NHERF1: variants seen among roughly 807,000 people sequenced by gnomAD.
NHERF1 encodes the protein Na(+)/H(+) exchange regulatory cofactor NHE-RF1.
the NHERF1 span, among the ~76,000 whole-genome samples, chr17:74,749,873 C>A: frequency 8.5e-5 from 13 of 152,340 alleles, no homozygotes; most frequent in South Asian, 2.7e-3. This position sits in a 1 kb window ranked among gnomAD's most constrained non-coding sequence, Gnocchi z 5.6. Context: ...TGTGTGACTT[C>A]TAAGGGAGAG....
At chr17:74,762,191 C>T in the NHERF1 span, 3 of 1,613,414 alleles carry the variant, frequency 1.9e-6, no homozygotes, top group Non-Finnish European at 1.7e-6. The surrounding 1 kb of genome is among the most constrained non-coding windows in gnomAD (Gnocchi z 4.2). Context: ...TTCTCGCTCT[C>T]TTCCTATCTG....
the NHERF1 span, among the ~76,000 whole-genome samples, chr17:74,763,912 G>A: frequency 2.6e-5 from 4 of 152,234 alleles, no homozygotes; most frequent in African/African-American, 9.6e-5. Context: ...CCTTTGCTTG[G>A]TCAGATCAGA....
chr17:74,768,295 A>G, the NHERF1 span: 2 of 1,429,690 alleles, frequency 1.4e-6, no homozygotes, highest in African/African-American at 1.4e-5. Flanking sequence ...CCCAGGCCCC[A>G]CTTGTTCCTG....
At chr17:74,764,596 C>T in the NHERF1 span, among the ~76,000 whole-genome samples, 1 of 152,216 alleles carries the variant, frequency 6.6e-6, no homozygotes, top group Non-Finnish European at 1.5e-5. The surrounding 1 kb of genome is among the most constrained non-coding windows in gnomAD (Gnocchi z 4.9). Context: ...CTGGATTCCA[C>T]TCAGCTCCTG....
chr17:74,748,868 G>T, the NHERF1 span: 1 of 1,595,276 alleles, frequency 6.3e-7, no homozygotes, highest in Non-Finnish European at 8.5e-7. The surrounding 1 kb of genome is among the most constrained non-coding windows in gnomAD (Gnocchi z 4.3). Flanking sequence ...CGCAGCGGCC[G>T]GGGCGCCCCT....
the NHERF1 span, among the ~76,000 whole-genome samples, chr17:74,763,965 G>A: frequency 1.3e-5 from 2 of 152,182 alleles, no homozygotes; most frequent in African/African-American, 2.4e-5. Context: ...CTCCTCTCAG[G>A]TTGTCTTGGA....
the NHERF1 span, among the ~76,000 whole-genome samples, chr17:74,756,364 C>T: frequency 3.4e-3 from 505 of 149,376 alleles, 2 homozygotes; most frequent in African/African-American, 0.012. Flanking sequence ...CTGCAACCTC[C>T]GCCTCCTGGG....
the NHERF1 span, chr17:74,763,090 G>A: frequency 1.1e-5 from 4 of 354,840 alleles, no homozygotes; most frequent in Non-Finnish European, 1.5e-5. Context: ...CTCCCAGCTC[G>A]CTCCCATCCC....
At chr17:74,753,391 C>T in the NHERF1 span, among the ~76,000 whole-genome samples, 174 of 152,234 alleles carry the variant, frequency 1.1e-3, no homozygotes, top group African/African-American at 4.0e-3. Flanking sequence ...GGCGGGCGGG[C>T]CATTTTACAC....
the NHERF1 span, among the ~76,000 whole-genome samples, chr17:74,766,769 TTAAA>T: frequency 6.6e-6 from 1 of 152,104 alleles, no homozygotes; most frequent in African/African-American, 2.4e-5. Flanking sequence ...AAAATTTTTT[TTAAA>T]TAAATAAGGC....
At chr17:74,762,294 T>C in the NHERF1 span, 1 of 534,572 alleles carries the variant, frequency 1.9e-6, no homozygotes. This position sits in a 1 kb window ranked among gnomAD's most constrained non-coding sequence, Gnocchi z 4.2. Context: ...AACCTGGAGC[T>C]GCTGGATGGA....
the NHERF1 span, chr17:74,768,700 T>G: frequency 6.3e-7 from 1 of 1,575,212 alleles, no homozygotes; most frequent in East Asian, 2.2e-5. Context: ...GAGCCAGCAT[T>G]CCACCCCACC....
chr17:74,751,969 G>A, the NHERF1 span, among the ~76,000 whole-genome samples: 1 of 152,206 alleles, frequency 6.6e-6, no homozygotes, highest in Non-Finnish European at 1.5e-5. This position sits in a 1 kb window ranked among gnomAD's most constrained non-coding sequence, Gnocchi z 4.3. Flanking sequence ...CTGAGTCCAG[G>A]CTCAGCCAGC....
chr17:74,751,428 C>T, the NHERF1 span, among the ~76,000 whole-genome samples: 1 of 152,246 alleles, frequency 6.6e-6, no homozygotes, highest in African/African-American at 2.4e-5. The surrounding 1 kb of genome is among the most constrained non-coding windows in gnomAD (Gnocchi z 4.3). Flanking sequence ...GGGCTGTTCC[C>T]TTGTCTTCAT....
At chr17:74,762,219 C>A in the NHERF1 span, 1 of 1,587,920 alleles carries the variant, frequency 6.3e-7, no homozygotes, top group Non-Finnish European at 8.6e-7. The surrounding 1 kb of genome is among the most constrained non-coding windows in gnomAD (Gnocchi z 4.2). Flanking sequence ...CCACCCCCTG[C>A]AGATCAGCAG....
At chr17:74,768,198 G>A in the NHERF1 span, 1 of 1,613,836 alleles carries the variant, frequency 6.2e-7, no homozygotes, top group South Asian at 1.1e-5. Flanking sequence ...CCCCAGGCCA[G>A]CCCTGGTGAG....
chr17:74,762,401 G>A, the NHERF1 span, among the ~76,000 whole-genome samples: 1,349 of 152,150 alleles, frequency 8.9e-3, 20 homozygotes, highest in African/African-American at 0.031. This position sits in a 1 kb window ranked among gnomAD's most constrained non-coding sequence, Gnocchi z 4.2. Context: ...CCACTCCCCT[G>A]GACTCCTCCT....
At chr17:74,748,963 C>A in the NHERF1 span, 1 of 1,607,050 alleles carries the variant, frequency 6.2e-7, no homozygotes, top group South Asian at 1.1e-5. The surrounding 1 kb of genome is among the most constrained non-coding windows in gnomAD (Gnocchi z 4.3). Flanking sequence ...GCCAGTACAT[C>A]CGGCTGGTGG....
chr17:74,768,880 T>C, the NHERF1 span: 4 of 569,330 alleles, frequency 7.0e-6, no homozygotes, highest in African/African-American at 7.5e-5. Context: ...TCCCTCCTCC[T>C]CACTGAGTGC....
Sources: gnomAD v4.1 joint callset for allele counts (sites outside exome capture counted in the v4.1 genomes callset) on GRCh38, gnomAD v4.1.1 for gene constraint, Gnocchi (gnomAD v3.1) non-coding constraint, MANE v1.5 for transcripts, NCBI Gene and HGNC (gene_info 2026-07-23, HGNC 2026-07-21) for gene names.